The following DST variants were observed in gnomAD, a reference collection of about 807,000 sequenced individuals.
The protein encoded by DST is bullous pemphigoid antigen.
DST carries 253 observed loss-of-function variants against 875.2 expected under a neutral mutation model. That is an observed-to-expected ratio of 0.29 (90% CI 0.26 to 0.32). The LOEUF is 0.32. Among genes scored for constraint, DST ranks in the 10% least tolerant of loss-of-function variants. DST has a pLI of 1.00. For missense variants in DST, 8,287 were observed against 9,111.6 expected, an observed-to-expected ratio of 0.91 and a Z score of 3.68; for synonymous variants, 3,124 against 3,197.1, an observed-to-expected ratio of 0.98 and a Z score of 0.77.
At chr6:56,835,683 C>T (rs1408012391) in intron 4 of DST, among the ~76,000 whole-genome samples, 5 of 152,170 alleles carry the variant, frequency 3.3e-5, no homozygotes, top group Non-Finnish European at 7.3e-5. Flanking sequence ...ATCTACCTCA[C>T]TAGACAAGTA....
rs1176062796 is a variant in DST, at chr6:56,497,885, T to C, written c.20065A>G (p.Lys6689Glu). The C allele has an allele frequency of 6.2e-7, 1 of 1,612,138 alleles. No individual in the cohort carries two copies. The highest frequency in any genetic ancestry group is 8.5e-7 in the Non-Finnish European group (1 of 1,178,928). ...CGCAAGGCACCATCCAGCTGCTGCT[T>C]CCTTTGTTCTGTTTTTTCCAAAACA... is the stretch of plus-strand genomic sequence containing the variant. ...QNVLEKTEQR[K>E]QQLDGALRQA... The change falls in exon 81 of 104, where the codon AAG (lysine) becomes GAG (glutamate). Residue 6689 changes from lysine (K) to glutamate (E), a missense_variant. Lys to Glu is a moderately conservative substitution (Grantham distance 56). This residue lies in a region of DST where 1,292 missense variants were observed against 1,552.7 expected (regional missense o/e 0.83). Coordinates refer to ENST00000680361, the MANE Select transcript of DST (RefSeq NM_001374736.1).
intron 4 of DST, among the ~76,000 whole-genome samples, chr6:56,756,213 G>A (rs2099602608): frequency 6.6e-6 from 1 of 151,990 alleles, no homozygotes; most frequent in African/African-American, 2.4e-5. Context: ...GGTTCTGCTT[G>A]GTACAGACCA....
At chr6:56,674,214 T>C (rs1355230685) in intron 9 of DST, among the ~76,000 whole-genome samples, 1 of 152,194 alleles carries the variant, frequency 6.6e-6, no homozygotes, top group African/African-American at 2.4e-5. Flanking sequence ...TTTCAATTCA[T>C]GCTGCCTCAG....
intron 37 of DST, 42 bp from the exon 38 acceptor site, chr6:56,611,638 G>C (rs1454048107): frequency 7.7e-7 from 1 of 1,300,650 alleles, no homozygotes; most frequent in African/African-American, 1.5e-5. Context: ...TCCTCCAAAA[G>C]GAGTAAACAG....
chr6:56,648,728 G>A lies in DST; in HGVS notation c.1435-39C>T, dbSNP rs1563448544. 4.0e-6 allele frequency: 6 copies of A among 1,504,526 alleles called. 1 individual carries two copies. The Admixed American group carries it at 1.1e-4, about 27-fold the overall frequency. 93.2% of individuals were successfully genotyped at this position (1,504,526 alleles called of 1,614,324 possible). On this transcript the variant is annotated intron_variant, in intron 12 of 103. Coordinates refer to ENST00000680361, the MANE Select transcript of DST (RefSeq NM_001374736.1). ...ATGATAGAAAAGGTTCACATCTGTAGATAATAACATTCATATCTAAGACAA... is the reference window on the plus strand; with the variant it reads ...ATGATAGAAAAGGTTCACATCTGTAAATAATAACATTCATATCTAAGACAA...
intron 4 of DST, among the ~76,000 whole-genome samples, chr6:56,814,094 C>A (rs780930777): frequency 1.3e-5 from 2 of 152,018 alleles, no homozygotes; most frequent in Admixed American, 6.5e-5. Flanking sequence ...AAAATAAAAA[C>A]AAGAAAGCAG....
intron 61 of DST, among the ~76,000 whole-genome samples, chr6:56,545,579 A>G (rs2097208376): frequency 6.6e-6 from 1 of 152,112 alleles, no homozygotes; most frequent in African/African-American, 2.4e-5. Context: ...TTTTAAAAGG[A>G]AAGTCCCTGA....
chr6:56,937,480 G>T (rs1456577502), intron 2 of DST, among the ~76,000 whole-genome samples: 1 of 152,040 alleles, frequency 6.6e-6, no homozygotes, highest in African/African-American at 2.4e-5. Context: ...ATATCCAATA[G>T]AATAGCTATA....
intron 36 of DST, chr6:56,617,133 T>C (rs751545963): frequency 6.8e-6 from 11 of 1,609,576 alleles, no homozygotes; most frequent in Non-Finnish European, 9.3e-6. Flanking sequence ...AGCTGCTCAA[T>C]TGTTCTCATG....
intron 48 of DST, 129 bp from the exon 49 acceptor site, chr6:56,592,487 C>T (rs1311657237): frequency 2.6e-6 from 2 of 781,972 alleles, no homozygotes; most frequent in Non-Finnish European, 2.0e-6. Context: ...TTAATAAAAA[C>T]TCTGTTGGGC....
At position 56,627,277 on chromosome 6, in the gene DST, G is replaced by C; in HGVS notation, c.4649C>G (p.Ser1550Cys). The part of the protein sequence containing the change: ...TQLNQQKMLV[S>C]EIEMKQSKMD... ...TTTGCTCTGTTTCATTTCTATTTCG[G>C]ACACCAGCATCTATAAATATACACA... Residue 1550 changes from serine (S) to cysteine (C), a missense_variant, in exon 34 of 104, where the codon TCC becomes TGC. By Grantham distance (112) the Ser-to-Cys change is moderately radical. Around this residue, in one of 10 missense-constraint regions of DST, gnomAD observed 3,138 missense variants for 3,116.6 expected, o/e 1.01. Transcript: ENST00000680361. 6.2e-7 allele frequency: 1 copy of C among 1,611,058 alleles called. No homozygotes were observed. The highest frequency in any genetic ancestry group is 1.1e-5 in the South Asian group (1 of 91,048).
rs60648526 is a variant in DST at position 56,564,523 on chromosome 6, G to C, written c.14006-2323C>G. On this transcript the variant is annotated intron_variant, in intron 55 of 103. Transcript: ENST00000680361. ...TATAATTATGTCATCCTCAAATAGAGACAATTTGACTTCCTCTCTTCCTGT... is the reference window on the plus strand; with the variant it reads ...TATAATTATGTCATCCTCAAATAGACACAATTTGACTTCCTCTCTTCCTGT... Among the ~76,000 whole-genome samples the C allele has an allele frequency of 8.6e-3, 1,304 of 152,262 alleles. 19 individuals are homozygous for C. Among genetic ancestry groups the C allele is most frequent in the African/African-American group, 0.03 (1,252 of 41,544 alleles).
In DST at chr6:56,634,073, A is replaced by G. The variant is rs373939491; in HGVS notation, c.3621+59T>C. On this transcript the variant is annotated intron_variant, in intron 27 of 103. Coordinates refer to ENST00000680361, the MANE Select transcript of DST (RefSeq NM_001374736.1). ...AAAGCAAATACAAACTCTACGACAC[A>G]TATGAAAAGGCATGCACATTTTTGG... 4.4e-6 allele frequency: 7 copies of G among 1,597,976 alleles called. No homozygotes were observed. In the African/African-American group the frequency reaches 8.0e-5, roughly 18 times the overall value.
chr6:56,798,236 G>A lies in DST; in HGVS notation c.625+53161C>T, dbSNP rs1008192787. On this transcript the variant is annotated intron_variant, in intron 4 of 103. Coordinates refer to ENST00000680361, the MANE Select transcript of DST (RefSeq NM_001374736.1). ...ATCTCTTTATTGGAGATGCCACATA[G>A]GACTTTCATAGTTGGAGAGAAGGCA... is the stretch of plus-strand genomic sequence containing the variant. Among the ~76,000 whole-genome samples the A allele has an allele frequency of 8.5e-5, 13 of 152,122 alleles. No individual in the cohort carries two copies. In the East Asian group the frequency reaches 2.5e-3, roughly 29 times the overall value.
intron 4 of DST, among the ~76,000 whole-genome samples, chr6:56,770,636 T>C (rs937981603): frequency 3.3e-5 from 5 of 152,126 alleles, no homozygotes; most frequent in African/African-American, 1.2e-4. Context: ...TGAACCAGGA[T>C]TTTTCCCAGG....
intron 56 of DST, 52 bp from the exon 57 acceptor site, chr6:56,561,601 A>G: frequency 6.5e-7 from 1 of 1,547,990 alleles, no homozygotes; most frequent in Non-Finnish European, 8.7e-7. Context: ...CATTTGGAGC[A>G]GAGGTCTAGA....
intron 4 of DST, among the ~76,000 whole-genome samples, chr6:56,790,647 T>C (rs575476549): frequency 1.3e-5 from 2 of 152,314 alleles, no homozygotes; most frequent in Admixed American, 6.5e-5. Flanking sequence ...TGTTCAGAAA[T>C]AGACTACAGT....
intron 2 of DST, among the ~76,000 whole-genome samples, chr6:56,904,907 A>G (rs1430967205): frequency 1.3e-5 from 2 of 152,180 alleles, no homozygotes; most frequent in African/African-American, 4.8e-5. Context: ...CTCCTGCCTC[A>G]GCCTCCTGAG....
chr6:56,508,976 C>T (rs2096405914), intron 74 of DST, among the ~76,000 whole-genome samples: 1 of 152,148 alleles, frequency 6.6e-6, no homozygotes, highest in African/African-American at 2.4e-5. Context: ...AACCAAGGTT[C>T]TTCCTGACAA....
Sources: gnomAD v4.1 joint callset for allele counts (sites outside exome capture counted in the v4.1 genomes callset) on GRCh38, gnomAD v4.1.1 for gene constraint, gnomAD v4.1.1 regional missense constraint, MANE v1.5 for transcripts, NCBI Gene and HGNC (gene_info 2026-07-23, HGNC 2026-07-21) for gene names.